CA12: variants seen among roughly 807,000 people sequenced by gnomAD.
CA12 encodes carbonate dehydratase XII.
Under a neutral mutation model 46.8 loss-of-function variants are expected in CA12, and 36 were observed. The ratio of observed to expected loss-of-function variants is 0.77; its 90% CI spans 0.59 to 1.02. CA12 has a LOEUF of 1.02. Ranked by LOEUF, CA12 falls within the 50% of genes least tolerant of loss-of-function variation. CA12 has a pLI of 0.00. For missense variants in CA12, 436 were observed against 451.4 expected, an observed-to-expected ratio of 0.97 and a Z score of 0.31; for synonymous variants, 202 against 187.0, an observed-to-expected ratio of 1.08 and a Z score of -0.65.
At chr15:63,357,581 A>G (rs1468449283) in intron 2 of CA12, among the ~76,000 whole-genome samples, 2 of 152,148 alleles carry the variant, frequency 1.3e-5, no homozygotes, top group Non-Finnish European at 2.9e-5. Flanking sequence ...CATCACACTG[A>G]AGGCCTTGTG....
intron 10 of CA12, 55 bp from the exon 11 acceptor site, chr15:63,326,412 G>C: frequency 1.4e-6 from 2 of 1,427,548 alleles, no homozygotes; most frequent in Non-Finnish European, 9.9e-7. Context: ...GCGAGCCAGA[G>C]AGCAGCCTGA....
At chr15:63,366,680 T>C (rs2039438568) in intron 2 of CA12, among the ~76,000 whole-genome samples, 1 of 152,268 alleles carries the variant, frequency 6.6e-6, no homozygotes, top group Non-Finnish European at 1.5e-5. Context: ...CTGCCTTTGA[T>C]TAATAACAAG....
intron 8 of CA12, among the ~76,000 whole-genome samples, chr15:63,332,449 G>A (rs1382037756): frequency 3.3e-5 from 5 of 152,204 alleles, no homozygotes; most frequent in Admixed American, 2.0e-4. Context: ...CAGACAGCAC[G>A]TTGCTCTGAA....
chr15:63,337,440 G>A lies in CA12; in HGVS notation c.874+1379C>T, dbSNP rs546805855. 4.6e-5 allele frequency among the ~76,000 whole-genome samples: 7 copies of A among 152,224 alleles called. No homozygotes were observed. In the South Asian group the frequency reaches 6.2e-4, roughly 14 times the overall value. On this transcript the variant is annotated intron_variant, in intron 8 of 10. Transcript: ENST00000178638. ...AGCAGATTCTGACAAGTGGGTTAAC[G>A]GGTTTCTTTTGTTTTTGTTTTTTGG...
intron 8 of CA12, 50 bp downstream of exon 8, chr15:63,338,769 C>T (rs760248640): frequency 1.9e-6 from 3 of 1,611,490 alleles, no homozygotes; most frequent in African/African-American, 2.7e-5. Context: ...ATCCCAATGT[C>T]TTGGCACCAC....
chr15:63,376,557 C>CTTTCCTTT (rs754259500), intron 1 of CA12, among the ~76,000 whole-genome samples: 1 of 104,526 alleles, frequency 9.6e-6, no homozygotes, highest in Admixed American at 1.1e-4. Context: ...CTCTTTCTTT[C>CTTTCCTTT]CTTTCTTTCT....
Position 63,341,900 on chromosome 15 carries a change from A to C in CA12, c.525+102T>G. On this transcript the variant is annotated intron_variant, in intron 5 of 10. Transcript: ENST00000178638. This position sits in a 1 kb window ranked among gnomAD's most constrained non-coding sequence, Gnocchi z 5.2. ...TCTGGAGTTGACACGGAGTCGATAC[A>C]GGAACAGCTGATTATCAACAGGTAT... is the stretch of plus-strand genomic sequence containing the variant. The C allele has an allele frequency of 1.2e-6, 1 of 814,304 alleles. No homozygotes were observed. The highest frequency in any genetic ancestry group is 2.6e-5 in the East Asian group (1 of 37,920). The allele number at this position is 814,304 out of a possible 1,614,324, so 50.4% of individuals were successfully genotyped here.
At position 63,378,085 on chromosome 15, in the gene CA12, C is replaced by A. The variant is rs2039599924; in HGVS notation, c.86-2407G>T. Among the ~76,000 whole-genome samples, 1 of 152,198 alleles carries A rather than the reference C, an allele frequency of 6.6e-6. No individual in the cohort carries two copies. Among genetic ancestry groups the A allele is most frequent in the Non-Finnish European group, 1.5e-5 (1 of 68,044 alleles). ...TCCGATGAGTATTATGGACCTCTCC[C>A]AGTAAAAATTTCCCTAAGCTGGCTG... On this transcript the variant is annotated intron_variant, in intron 1 of 10. Coordinates refer to ENST00000178638, the MANE Select transcript of CA12 (RefSeq NM_001218.5). This position sits in a 1 kb window ranked among gnomAD's most constrained non-coding sequence, Gnocchi z 4.8.
rs373138957 is a variant in CA12, at chr15:63,341,436, C to T, written c.525+566G>A. Among the ~76,000 whole-genome samples the T allele has an allele frequency of 4.3e-3, 649 of 152,298 alleles. 6 individuals carry two copies. Among genetic ancestry groups the T allele is most frequent in the African/African-American group, 0.014 (584 of 41,558 alleles). On this transcript the variant is annotated intron_variant, in intron 5 of 10. Transcript: ENST00000178638. This position sits in a 1 kb window ranked among gnomAD's most constrained non-coding sequence, Gnocchi z 5.2. Reference sequence around the variant, plus strand: ...GGAGCACAAGCCCTATTGTGAACTGCGCATGCAAGGGATCTAGGCTGTGTA... The same window carrying T: ...GGAGCACAAGCCCTATTGTGAACTGTGCATGCAAGGGATCTAGGCTGTGTA...
chr15:63,362,267 A>G (rs2039372994), intron 2 of CA12, among the ~76,000 whole-genome samples: 1 of 152,242 alleles, frequency 6.6e-6, no homozygotes, highest in Non-Finnish European at 1.5e-5. Flanking sequence ...TGCAATCTGA[A>G]TAACAATGCT....
At position 63,325,162 on chromosome 15, in the gene CA12, T is replaced by G. The variant is rs532439512; in HGVS notation, c.*1123A>C. The G allele has an allele frequency of 1.3e-5, 2 of 152,310 alleles. No homozygotes were observed. Among genetic ancestry groups the G allele is most frequent in the Admixed American group, 1.3e-4 (2 of 15,298 alleles). The allele number at this position is 152,310 out of a possible 1,614,324, so 9.4% of individuals were successfully genotyped here. A position where few individuals can be genotyped will look rare whatever the true frequency, so the allele number is the denominator to read the frequency against. Reference sequence around the variant, plus strand: ...TTTATAGCTTGAAATATATTTGATCTAAACCACGATTTGACATCTTCAGAG... The same window carrying G: ...TTTATAGCTTGAAATATATTTGATCGAAACCACGATTTGACATCTTCAGAG... On this transcript the variant is annotated 3_prime_UTR_variant, in exon 11 of 11. Coordinates refer to ENST00000178638, the MANE Select transcript of CA12 (RefSeq NM_001218.5). The surrounding 1 kb of genome is among the most constrained non-coding windows in gnomAD (Gnocchi z 4.9).
In CA12 at chr15:63,330,902, A is replaced by G. The variant is rs1204620050; in HGVS notation, c.875-2772T>C. Reference sequence around the variant, plus strand: ...AACAACGAAATGAGACCAAACAGGCATGAAGACAAAGAAAGGCCCAGAGAC... The same window carrying G: ...AACAACGAAATGAGACCAAACAGGCGTGAAGACAAAGAAAGGCCCAGAGAC... On this transcript the variant is annotated intron_variant, in intron 8 of 10. Coordinates refer to ENST00000178638, the MANE Select transcript of CA12 (RefSeq NM_001218.5). The surrounding 1 kb of genome is among the most constrained non-coding windows in gnomAD (Gnocchi z 4.0). 6.6e-6 allele frequency among the ~76,000 whole-genome samples: 1 copy of G among 152,248 alleles called. No homozygotes were observed. Among genetic ancestry groups the G allele is most frequent in the Non-Finnish European group, 1.5e-5 (1 of 68,042 alleles).
At chr15:63,350,481 T>G (rs1210250571) in intron 2 of CA12, among the ~76,000 whole-genome samples, 2 of 152,200 alleles carry the variant, frequency 1.3e-5, no homozygotes, top group Non-Finnish European at 2.9e-5. Flanking sequence ...ACTTCGCCTC[T>G]CCAGTTGGTT....
chr15:63,359,687 G>A (rs1348652750), intron 2 of CA12, among the ~76,000 whole-genome samples: 1 of 152,154 alleles, frequency 6.6e-6, no homozygotes, highest in East Asian at 1.9e-4. Context: ...AAGGTCTAAA[G>A]AGATACCACA....
Position 63,339,780 on chromosome 15 carries a change from C to G in CA12, c.747+508G>C, listed in dbSNP as rs1305990662. Reference sequence around the variant, plus strand: ...GGGTCTCAGCTTTGTCACTAACCCGCGGGTGATCCCACAGACTTCTACTCT... The same window carrying G: ...GGGTCTCAGCTTTGTCACTAACCCGGGGGTGATCCCACAGACTTCTACTCT... On this transcript the variant is annotated intron_variant, in intron 7 of 10. Transcript: ENST00000178638. The surrounding 1 kb of genome is among the most constrained non-coding windows in gnomAD (Gnocchi z 4.3). Among the ~76,000 whole-genome samples, 1 of 152,200 alleles carries G rather than the reference C, an allele frequency of 6.6e-6. No individual in the cohort carries two copies. The highest frequency in any genetic ancestry group is 2.4e-5 in the African/African-American group (1 of 41,450).
At chr15:63,351,154 T>C (rs1411462923) in intron 2 of CA12, among the ~76,000 whole-genome samples, 1 of 152,232 alleles carries the variant, frequency 6.6e-6, no homozygotes, top group African/African-American at 2.4e-5. Context: ...TACAGCTTGA[T>C]GGTGGAATGC....
intron 10 of CA12, 152 bp downstream of exon 10, chr15:63,326,997 C>T: frequency 5.8e-6 from 4 of 685,576 alleles, no homozygotes; most frequent in Non-Finnish European, 1.1e-5. Context: ...GCAAAGGAGG[C>T]CAGGGCACGG....
Position 63,338,947 on chromosome 15 carries a change from T to C in CA12, c.748-2A>G. 1.2e-6 allele frequency: 2 copies of C among 1,614,160 alleles called. No homozygotes were observed. The highest frequency in any genetic ancestry group is 1.1e-5 in the South Asian group (1 of 91,072). On this transcript the variant is annotated splice_acceptor_variant, in intron 7 of 10. Coordinates refer to ENST00000178638, the MANE Select transcript of CA12 (RefSeq NM_001218.5). LOFTEE classifies it high-confidence loss of function. ...CAGGGCTGTCTCCAAAGCCAGCAGC[T>C]GAGGGCAAGAGCAGAAATAGCCCGC... is the stretch of plus-strand genomic sequence containing the variant.
intron 8 of CA12, among the ~76,000 whole-genome samples, chr15:63,337,604 G>A (rs1013155187): frequency 1.3e-5 from 2 of 152,064 alleles, no homozygotes; most frequent in African/African-American, 2.4e-5. Flanking sequence ...TTACAGGCAT[G>A]TGCCACCACG....
Sources: allele counts gnomAD v4.1 joint callset (sites outside exome capture counted in the v4.1 genomes callset), GRCh38; gene constraint gnomAD v4.1.1; non-coding constraint Gnocchi (gnomAD v3.1); transcripts MANE v1.5; gene names NCBI Gene and HGNC (gene_info 2026-07-23, HGNC 2026-07-21).